SYNE1: variants seen among roughly 807,000 people sequenced by gnomAD.
SYNE1 encodes the protein nesprin-1.
A neutral mutation model predicts 1,111.0 loss-of-function variants in SYNE1; 616 were observed. That is an observed-to-expected ratio of 0.55 (90% CI 0.52 to 0.59). The LOEUF is 0.59. Among genes scored for constraint, SYNE1 ranks in the 20% least tolerant of loss-of-function variants. The pLI is 0.00. For missense variants in SYNE1, 10,006 were observed against 10,417.0 expected (o/e 0.96, Z 1.72); for synonymous variants, 3,855 against 3,825.8 (o/e 1.01, Z -0.28).
intron 14 of SYNE1, among the ~76,000 whole-genome samples, chr6:152,477,113 C>T (rs773565344): frequency 2.6e-4 from 39 of 152,038 alleles, no homozygotes; most frequent in Non-Finnish European, 5.0e-4. Context: ...AGAAAGTATG[C>T]ATTATCAATA....
intron 127 of SYNE1, among the ~76,000 whole-genome samples, chr6:152,193,039 A>G (rs1768719846): frequency 6.6e-6 from 1 of 151,926 alleles, no homozygotes; most frequent in Non-Finnish European, 1.5e-5. Context: ...ATGTCTTCTG[A>G]GTTTAGTTCA....
chr6:152,200,993 G>T (rs985883324), intron 127 of SYNE1, among the ~76,000 whole-genome samples: 3 of 152,144 alleles, frequency 2.0e-5, no homozygotes, highest in African/African-American at 4.8e-5. Flanking sequence ...GTGAGGCAGA[G>T]AATTTCTAAT....
At chr6:152,130,603 T>G (rs1280811769) in intron 145 of SYNE1, 117 bp downstream of exon 145, 1 of 992,018 alleles carries the variant, frequency 1.0e-6, no homozygotes, top group Non-Finnish European at 1.6e-6. Context: ...TGGACTGAAA[T>G]GAGTAATTTC....
Position 152,132,266 on chromosome 6 carries a change from G to T in SYNE1, c.26002-52C>A, listed in dbSNP as rs1442955920. The T allele has an allele frequency of 4.1e-6, 6 of 1,472,894 alleles. No individual in the cohort carries two copies. In the Admixed American group the frequency reaches 5.0e-5, roughly 12 times the overall value. 91.2% of individuals were successfully genotyped at this position (1,472,894 alleles called of 1,614,324 possible). A position where few individuals can be genotyped will look rare whatever the true frequency, so the allele number is the denominator to read the frequency against. ...AACTCCATGTCCCAGACCCATGGGG[G>T]CCCTCTGTTGCACCACGTTATCTCC... is the stretch of plus-strand genomic sequence containing the variant. On this transcript the variant is annotated intron_variant, in intron 143 of 145. Coordinates refer to ENST00000367255, the MANE Select transcript of SYNE1 (RefSeq NM_182961.4).
Position 152,233,914 on chromosome 6 carries a change from A to T in SYNE1, c.20579T>A (p.Leu6860Gln), listed in dbSNP as rs2083375954. The change falls in exon 112 of 146, where the codon CTG becomes CAG. Residue 6860 changes from leucine (L) to glutamine (Q), a missense_variant. Coordinates refer to ENST00000367255, the MANE Select transcript of SYNE1 (RefSeq NM_182961.4). ...DAQSSLKSSV[L>Q]STGNQLLRLK... ...TCGAAGGAGCTGATTTCCAGTACTC[A>T]GAACAGATGATTTCAGGGAAGATTG... 6.2e-7 allele frequency: 1 copy of T among 1,614,224 alleles called. No homozygotes were observed. The highest frequency in any genetic ancestry group is 2.2e-5 in the East Asian group (1 of 44,880).
Position 152,449,543 on chromosome 6 carries a change from C to A in SYNE1, c.3494G>T (p.Arg1165Leu), listed in dbSNP as rs201354687. ...IDTANHGEVKRAVEEIRNGVT... is the reference protein window; with the variant it reads ...IDTANHGEVKLAVEEIRNGVT... Reference sequence around the variant, plus strand: ...TGACCCTGAACTTACTTCAACGGCACGTTTAACCTCTCCGTGGTTGGCAGT... The same window carrying A: ...TGACCCTGAACTTACTTCAACGGCAAGTTTAACCTCTCCGTGGTTGGCAGT... The change falls in exon 28 of 146, where the codon CGT becomes CTT. Residue 1165 changes from arginine (R) to leucine (L), a missense_variant. Around this residue, in one of 7 missense-constraint regions of SYNE1, gnomAD observed 1,971 missense variants for 2,084.1 expected, o/e 0.95. Transcript: ENST00000367255. 4.3e-5 allele frequency: 69 copies of A among 1,613,610 alleles called. No homozygotes were observed. Among genetic ancestry groups the A allele is most frequent in the Non-Finnish European group, 5.3e-5 (62 of 1,179,660 alleles).
chr6:152,561,521 A>G lies in SYNE1; in HGVS notation c.68-21500T>C, dbSNP rs1313730039. On this transcript the variant is annotated intron_variant, in intron 3 of 145. Coordinates refer to ENST00000367255, the MANE Select transcript of SYNE1 (RefSeq NM_182961.4). Reference sequence around the variant, plus strand: ...TTACCTTAAATGATCTACAGATTCAATGTAACTCCTATCAAAATTCCAACG... The same window carrying G: ...TTACCTTAAATGATCTACAGATTCAGTGTAACTCCTATCAAAATTCCAACG... 4.6e-5 allele frequency among the ~76,000 whole-genome samples: 7 copies of G among 152,134 alleles called. No individual in the cohort carries two copies. The South Asian group carries it at 1.0e-3, about 23-fold the overall frequency.
chr6:152,248,915 A>G (rs762008780), intron 105 of SYNE1, among the ~76,000 whole-genome samples: 1 of 151,986 alleles, frequency 6.6e-6, no homozygotes, highest in Non-Finnish European at 1.5e-5. Context: ...TGGGCAGAAA[A>G]CTCCTTCAGG....
chr6:152,252,762 T>C (rs1325342339), intron 104 of SYNE1, among the ~76,000 whole-genome samples: 4 of 152,326 alleles, frequency 2.6e-5, no homozygotes, highest in African/African-American at 7.2e-5. Context: ...TTGAAATGTC[T>C]TTTTGTTCGT....
chr6:152,304,645 T>C (rs1190113806), intron 91 of SYNE1, among the ~76,000 whole-genome samples: 1 of 152,144 alleles, frequency 6.6e-6, no homozygotes, highest in Non-Finnish European at 1.5e-5. Context: ...CTTTATGAAG[T>C]AGACAGAGTT....
chr6:152,584,141 G>T (rs919147684), intron 3 of SYNE1, among the ~76,000 whole-genome samples: 2 of 152,012 alleles, frequency 1.3e-5, no homozygotes, highest in East Asian at 3.9e-4. Context: ...CTGCTAAATC[G>T]GGGAGCACAA....
At chr6:152,235,608 G>A (rs372041562) in intron 110 of SYNE1, among the ~76,000 whole-genome samples, 43 of 152,190 alleles carry the variant, frequency 2.8e-4, no homozygotes, top group African/African-American at 9.6e-4. Flanking sequence ...GGATCTGCCC[G>A]CCTCAGCCTC....
rs774317818 is a variant in SYNE1 at position 152,122,616 on chromosome 6, GC to G, written c.26213del (p.Arg8738ProfsTer72). ...CTCGGAGGACTCTGAACAGGAAGCC[GC>G]GGCCGGACCGACCTGGCCCTGGCTC... ...LSEPGPGRSG[R>X]GFLFRVLRAA... is the part of the protein sequence containing the mutation. On this transcript the variant is annotated frameshift_variant, in exon 146 of 146. Coordinates refer to ENST00000367255, the MANE Select transcript of SYNE1 (RefSeq NM_182961.4). LOFTEE classifies it high-confidence loss of function. 2.5e-6 allele frequency: 4 copies of G among 1,614,066 alleles called. No individual in the cohort carries two copies. The highest frequency in any genetic ancestry group is 1.3e-5 in the African/African-American group (1 of 74,942).
chr6:152,495,595 C>T (rs2098994854), intron 11 of SYNE1, among the ~76,000 whole-genome samples: 1 of 152,122 alleles, frequency 6.6e-6, no homozygotes. Flanking sequence ...TCCACCCTGA[C>T]TCATTCCGAT....
intron 14 of SYNE1, among the ~76,000 whole-genome samples, chr6:152,477,661 G>A (rs551735721): frequency 4.3e-3 from 455 of 105,716 alleles, no homozygotes; most frequent in Non-Finnish European, 5.8e-3. Context: ...CTCACTAGAA[G>A]GTAAATTAAG....
intron 3 of SYNE1, among the ~76,000 whole-genome samples, chr6:152,602,710 T>G (rs1387495072): frequency 6.6e-6 from 1 of 152,234 alleles, no homozygotes; most frequent in Non-Finnish European, 1.5e-5. Context: ...TCTTGTGATC[T>G]GAAACTAGAC....
intron 2 of SYNE1, among the ~76,000 whole-genome samples, chr6:152,628,958 T>C (rs946946123): frequency 2.6e-5 from 4 of 152,194 alleles, no homozygotes; most frequent in Non-Finnish European, 4.4e-5. Context: ...TTTGCTCTGT[T>C]GCGTTGTACT....
intron 101 of SYNE1, among the ~76,000 whole-genome samples, chr6:152,257,862 A>T (rs1031582101): frequency 3.3e-5 from 5 of 152,186 alleles, no homozygotes; most frequent in Non-Finnish European, 7.4e-5. Context: ...ATGCCAAAAA[A>T]TTCCCTAAAA....
At chr6:152,560,243 A>G (rs571066796) in intron 3 of SYNE1, among the ~76,000 whole-genome samples, 1 of 152,110 alleles carries the variant, frequency 6.6e-6, no homozygotes, top group South Asian at 2.1e-4. Flanking sequence ...GCATGCACCT[A>G]TAGTCCCAGC....
Sources: allele counts gnomAD v4.1 joint callset (sites outside exome capture counted in the v4.1 genomes callset), GRCh38; gene constraint gnomAD v4.1.1; regional missense constraint gnomAD v4.1.1; transcripts MANE v1.5; gene names NCBI Gene and HGNC (gene_info 2026-07-23, HGNC 2026-07-21).